CHODL: variants seen among roughly 807,000 people sequenced by gnomAD.
CHODL encodes the protein chondrolectin, also known as transmembrane protein MT75.
A neutral mutation model predicts 34.5 loss-of-function variants in CHODL; 29 were observed. The observed-to-expected ratio is 0.84, with a 90% CI of 0.63 to 1.15. The LOEUF (loss-of-function observed/expected upper bound fraction) is 1.15, where lower values mean the gene tolerates loss of function less well. Among genes scored for constraint, CHODL ranks in the 50% most tolerant of loss-of-function variants. The pLI, the probability that CHODL is intolerant of heterozygous loss-of-function variation, is 0.00. For missense variants in CHODL, 332 were observed against 332.5 expected, an observed-to-expected ratio of 1.00 and a Z score of 0.01; for synonymous variants, 125 against 116.1, an observed-to-expected ratio of 1.08 and a Z score of -0.49.
chr21:18,074,223 C>T (rs942504133), intron 2 of CHODL, among the ~76,000 whole-genome samples: 2 of 152,058 alleles, frequency 1.3e-5, no homozygotes, highest in African/African-American at 2.4e-5. Flanking sequence ...GAAATTATCC[C>T]TGGAAAGAAC....
chr21:18,228,315 G>A (rs1439087703), intron 2 of CHODL, among the ~76,000 whole-genome samples: 3 of 152,056 alleles, frequency 2.0e-5, no homozygotes, highest in Admixed American at 6.6e-5. Flanking sequence ...CCATGTCTAC[G>A]TACTAATAAA....
intron 2 of CHODL, among the ~76,000 whole-genome samples, chr21:18,220,058 G>A (rs556116168): frequency 1.3e-5 from 2 of 152,256 alleles, no homozygotes; most frequent in East Asian, 1.9e-4. Flanking sequence ...TAGTTACAGA[G>A]CTTCAGGTCT....
chr21:18,266,266 CCAAACTT>C lies in CHODL; in HGVS notation c.*239_*245del. ...ATGCTTATTTTGCTAAAGGATGCACCCAAACTTCAAACTTCAAGCAAATGAAATGGAC... is the reference window on the plus strand; with the variant it reads ...ATGCTTATTTTGCTAAAGGATGCACCCAAACTTCAAGCAAATGAAATGGAC... On this transcript the variant is annotated 3_prime_UTR_variant, in exon 6 of 6. Transcript: ENST00000299295. 7.1e-7 allele frequency: 1 copy of C among 1,404,368 alleles called. No homozygotes were observed. Among genetic ancestry groups the C allele is most frequent in the Non-Finnish European group, 9.4e-7 (1 of 1,060,516 alleles). 87.0% of individuals were successfully genotyped at this position (1,404,368 alleles called of 1,614,324 possible).
chr21:18,008,731 G>A (rs2063983592), intron 1 of CHODL, among the ~76,000 whole-genome samples: 1 of 152,044 alleles, frequency 6.6e-6, no homozygotes, highest in Non-Finnish European at 1.5e-5. Flanking sequence ...TTTAAGTATT[G>A]TAATTTCCCT....
intron 1 of CHODL, among the ~76,000 whole-genome samples, chr21:17,976,991 A>G (rs1676377204): frequency 1.3e-5 from 2 of 152,208 alleles, no homozygotes; most frequent in South Asian, 4.1e-4. Context: ...CCAACTAGCC[A>G]CACTGTAGTA....
intron 2 of CHODL, among the ~76,000 whole-genome samples, chr21:18,128,366 C>G (rs1410963793): frequency 1.3e-5 from 1 of 74,828 alleles, no homozygotes; most frequent in South Asian, 5.0e-4. Context: ...AGAACCTAAA[C>G]AAACTACAAA....
chr21:18,240,693 C>G (rs1253382169), upstream of CHODL, among the ~76,000 whole-genome samples: 2 of 151,904 alleles, frequency 1.3e-5, no homozygotes, highest in African/African-American at 4.8e-5. Flanking sequence ...AGATTACCAG[C>G]AATAGAAACA....
intron 2 of CHODL, among the ~76,000 whole-genome samples, chr21:18,129,068 C>A (rs1439411635): frequency 1.3e-5 from 2 of 151,534 alleles, no homozygotes; most frequent in Non-Finnish European, 2.9e-5. Flanking sequence ...TTTTTAAAAA[C>A]CTATTTTATA....
At chr21:18,073,531 G>A (rs777382434) in intron 2 of CHODL, among the ~76,000 whole-genome samples, 1 of 151,888 alleles carries the variant, frequency 6.6e-6, no homozygotes, top group East Asian at 1.9e-4. Context: ...GATTCTATGA[G>A]TTTTTCTATT....
At chr21:17,934,184 A>C (rs1358378063) in intron 1 of CHODL, among the ~76,000 whole-genome samples, 1 of 152,102 alleles carries the variant, frequency 6.6e-6, no homozygotes, top group Non-Finnish European at 1.5e-5. Context: ...ACCACTATGC[A>C]ATATATCCAT....
At chr21:17,966,189 A>G (rs1343038819) in intron 1 of CHODL, among the ~76,000 whole-genome samples, 1 of 152,184 alleles carries the variant, frequency 6.6e-6, no homozygotes, top group Non-Finnish European at 1.5e-5. Flanking sequence ...CCTAATCCTA[A>G]ATTAAATCTA....
At chr21:17,987,743 G>A (rs2063764849) in intron 1 of CHODL, among the ~76,000 whole-genome samples, 1 of 152,160 alleles carries the variant, frequency 6.6e-6, no homozygotes, top group Non-Finnish European at 1.5e-5. Context: ...TGATTCTGGT[G>A]AGAAAGTATG....
At chr21:18,062,955 TA>T (rs1003140672) in intron 2 of CHODL, among the ~76,000 whole-genome samples, 2 of 152,140 alleles carry the variant, frequency 1.3e-5, no homozygotes, top group African/African-American at 4.8e-5. Context: ...CTTCTGATTT[TA>T]AAAAAGAATG....
intron 2 of CHODL, among the ~76,000 whole-genome samples, chr21:18,067,363 T>G (rs992183525): frequency 1.3e-5 from 2 of 152,240 alleles, no homozygotes; most frequent in Non-Finnish European, 2.9e-5. Flanking sequence ...CCAATATGAC[T>G]GGTTTCCTCA....
chr21:18,112,634 C>G (rs778393627), intron 2 of CHODL, among the ~76,000 whole-genome samples: 3 of 152,090 alleles, frequency 2.0e-5, no homozygotes, highest in Non-Finnish European at 2.9e-5. Context: ...AACTCATTTG[C>G]AACAAAAATG....
At position 18,266,681 on chromosome 21, in the gene CHODL, G is replaced by A. The variant is rs551514427; in HGVS notation, c.*643G>A. The A allele has an allele frequency of 1.3e-5, 2 of 153,336 alleles. No homozygotes were observed. The highest frequency in any genetic ancestry group is 2.1e-4 in the South Asian group (1 of 4,858). The allele number at this position is 153,336 out of a possible 1,614,324, so 9.5% of individuals were successfully genotyped here. ...CAGAAATAAGAAGCTATTTCATTAA[G>A]TGTGATATAAACCTCCTCAAACATT... is the stretch of plus-strand genomic sequence containing the variant. On this transcript the variant is annotated 3_prime_UTR_variant, in exon 6 of 6. Transcript: ENST00000299295.
At chr21:18,061,595 A>G (rs954708215) in intron 2 of CHODL, among the ~76,000 whole-genome samples, 20 of 152,208 alleles carry the variant, frequency 1.3e-4, no homozygotes, top group African/African-American at 4.1e-4. Flanking sequence ...AGAGCCCTTA[A>G]ATATGGGTCT....
intron 2 of CHODL, among the ~76,000 whole-genome samples, chr21:18,112,259 G>T: frequency 6.6e-6 from 1 of 152,216 alleles, no homozygotes; most frequent in East Asian, 1.9e-4. Context: ...GAAGGAAATT[G>T]AAGGGGAAAC....
Position 17,982,401 on chromosome 21 carries a change from G to T in CHODL, c.-144-45471G>T, listed in dbSNP as rs565222643. ...GAAGATTTTATAAATAAAACAAAAAGGTTTAGTTGAGGACTGAGTTTGCTT... is the reference window on the plus strand; with the variant it reads ...GAAGATTTTATAAATAAAACAAAAATGTTTAGTTGAGGACTGAGTTTGCTT... On this transcript the variant is annotated intron_variant, in intron 1 of 6. Transcript: ENST00000400127. 1.4e-4 allele frequency among the ~76,000 whole-genome samples: 21 copies of T among 152,092 alleles called. No individual in the cohort carries two copies. In the South Asian group the frequency reaches 4.2e-3, roughly 30 times the overall value.
Sources: gnomAD v4.1 joint callset for allele counts (sites outside exome capture counted in the v4.1 genomes callset) on GRCh38, gnomAD v4.1.1 for gene constraint, MANE v1.5 for transcripts, NCBI Gene and HGNC (gene_info 2026-07-23, HGNC 2026-07-21) for gene names.